SDK1: variants seen among roughly 807,000 people sequenced by gnomAD.
The protein encoded by SDK1 is sidekick cell adhesion molecule 1.
In SDK1, 157 loss-of-function variants were observed where a neutral mutation model predicts 245.5. That is an observed-to-expected ratio of 0.64 (90% CI 0.56 to 0.73). SDK1 has a LOEUF of 0.73. SDK1 is among the 30% of genes least tolerant of loss of function. The pLI is 0.00. For synonymous variants in SDK1, 1,647 were observed against 1,278.5 expected (o/e 1.29, Z -6.15); for missense variants, 3,583 against 3,002.3 (o/e 1.19, Z -4.52).
In SDK1 at chr7:4,114,239, G is replaced by T; in HGVS notation, c.3788G>T (p.Trp1263Leu). Reference sequence around the variant, plus strand: ...TTCAACGCCGTCGGGGCTGGGCCGTGGAGCGAGGTGGTGCGGGGCCGGACG... The same window carrying T: ...TTCAACGCCGTCGGGGCTGGGCCGTTGAGCGAGGTGGTGCGGGGCCGGACG... ...QAFNAVGAGP[W>L]SEVVRGRTRE... The change falls in exon 25 of 45, where the codon TGG becomes TTG. Residue 1263 changes from tryptophan to leucine, a missense_variant. By Grantham distance (61) the Trp-to-Leu change is moderately conservative. Coordinates refer to ENST00000404826, the MANE Select transcript of SDK1 (RefSeq NM_152744.4). 1 of 1,612,158 alleles carries T rather than the reference G, an allele frequency of 6.2e-7. No individual in the cohort carries two copies. The highest frequency in any genetic ancestry group is 8.5e-7 in the Non-Finnish European group (1 of 1,179,532).
At chr7:3,769,807 C>G (rs1330472481) in intron 4 of SDK1, among the ~76,000 whole-genome samples, 2 of 151,918 alleles carry the variant, frequency 1.3e-5, no homozygotes, top group East Asian at 3.9e-4. Flanking sequence ...AGGTAACGTT[C>G]TTTGTTGCGA....
intron 1 of SDK1, among the ~76,000 whole-genome samples, chr7:3,443,757 G>A (rs995237143): frequency 1.3e-5 from 2 of 152,092 alleles, no homozygotes; most frequent in African/African-American, 4.8e-5. Flanking sequence ...TTTATTTGGT[G>A]GTCAGCAGCG....
intron 1 of SDK1, among the ~76,000 whole-genome samples, chr7:3,485,683 G>GTTTTTTTTTTTTTCTTTTTT (rs1781666652): frequency 2.6e-5 from 1 of 38,178 alleles, no homozygotes; most frequent in Non-Finnish European, 4.5e-5. Context: ...TCTTTGGAGG[G>GTTTTTTTTTTTTTCTTTTTT]TTTTTTTTTT....
chr7:4,167,163 G>A (rs1248493493), intron 32 of SDK1, among the ~76,000 whole-genome samples: 3 of 152,206 alleles, frequency 2.0e-5, no homozygotes, highest in Admixed American at 6.6e-5. Flanking sequence ...GTAGGCTGAG[G>A]CGGGCAGATC....
intron 40 of SDK1, among the ~76,000 whole-genome samples, chr7:4,226,567 T>C (rs753340558): frequency 2.6e-5 from 4 of 152,196 alleles, no homozygotes; most frequent in Non-Finnish European, 2.9e-5. Flanking sequence ...AGCACCAGGC[T>C]AGAACACAGA....
intron 1 of SDK1, among the ~76,000 whole-genome samples, chr7:3,435,353 C>T (rs1412514309): frequency 9.7e-5 from 6 of 62,014 alleles, no homozygotes; most frequent in South Asian, 5.6e-4. Flanking sequence ...TTTTTTGAGA[C>T]GGAGTCTTGC....
At chr7:4,220,605 T>C (rs1291292611) in intron 39 of SDK1, among the ~76,000 whole-genome samples, 1 of 151,052 alleles carries the variant, frequency 6.6e-6, no homozygotes, top group East Asian at 2.0e-4. Flanking sequence ...TTCCAGGTCA[T>C]GGGGAAGAAG....
At chr7:3,449,280 C>T (rs1359479650) in intron 1 of SDK1, among the ~76,000 whole-genome samples, 2 of 151,584 alleles carry the variant, frequency 1.3e-5, no homozygotes, top group African/African-American at 4.8e-5. Flanking sequence ...ATCCTTTATG[C>T]CCTGCACAGA....
Position 3,951,936 on chromosome 7 carries a change from C to T in SDK1, c.1150+16C>T. ...TTCATCATAGGTAATGCGGGAGCCT[C>T]TAAGTGGTGTTGCCAGCATCTCAGA... On this transcript the variant is annotated intron_variant, in intron 7 of 44. Transcript: ENST00000404826. 6.2e-7 allele frequency: 1 copy of T among 1,605,840 alleles called. No homozygotes were observed. The highest frequency in any genetic ancestry group is 1.1e-5 in the South Asian group (1 of 89,938).
Position 3,786,524 on chromosome 7 carries a change from T to G in SDK1, c.714-34926T>G, listed in dbSNP as rs78593914. The stretch of plus-strand genomic sequence containing the variant: ...GAGAAGGTTATAGTTAATACTCTTA[T>G]AAGCCTCTCCATGTACAAGAATACA... On this transcript the variant is annotated intron_variant, in intron 4 of 44. Coordinates refer to ENST00000404826, the MANE Select transcript of SDK1 (RefSeq NM_152744.4). Among the ~76,000 whole-genome samples the G allele has an allele frequency of 3.9e-5, 6 of 152,332 alleles. No homozygotes were observed. The South Asian group carries it at 8.3e-4, about 21-fold the overall frequency.
At chr7:4,054,066 G>A (rs183672991) in intron 19 of SDK1, among the ~76,000 whole-genome samples, 1 of 152,100 alleles carries the variant, frequency 6.6e-6, no homozygotes, top group East Asian at 1.9e-4. Flanking sequence ...GGCCTCTCAA[G>A]TAGCTGGTAT....
At chr7:3,304,721 C>G (rs929690384) in intron 1 of SDK1, among the ~76,000 whole-genome samples, 5 of 152,150 alleles carry the variant, frequency 3.3e-5, no homozygotes, top group African/African-American at 9.7e-5. Context: ...CATTGGAATT[C>G]GAGAACTACT....
intron 16 of SDK1, among the ~76,000 whole-genome samples, chr7:4,014,088 G>C (rs1294917714): frequency 1.3e-5 from 2 of 152,220 alleles, no homozygotes; most frequent in Non-Finnish European, 2.9e-5. Flanking sequence ...GCTGCCCTCT[G>C]TACCCAGCAG....
intron 4 of SDK1, among the ~76,000 whole-genome samples, chr7:3,697,593 T>G (rs1247899885): frequency 2.6e-5 from 4 of 152,212 alleles, no homozygotes; most frequent in Admixed American, 2.6e-4. Flanking sequence ...CCCCACATGA[T>G]TCTTTGACCA....
intron 1 of SDK1, among the ~76,000 whole-genome samples, chr7:3,540,279 C>T (rs1026397249): frequency 3.3e-4 from 50 of 152,280 alleles, no homozygotes; most frequent in East Asian, 1.9e-4. Flanking sequence ...TGGTTGCAGT[C>T]GCCTGTAATC....
At chr7:4,206,830 C>T (rs1784252232) in intron 36 of SDK1, among the ~76,000 whole-genome samples, 3 of 152,090 alleles carry the variant, frequency 2.0e-5, no homozygotes, top group Admixed American at 6.5e-5. Context: ...GGGCTAGCCT[C>T]CCCTAATGAC....
At chr7:3,454,925 CTG>C (rs1470824579) in intron 1 of SDK1, among the ~76,000 whole-genome samples, 1 of 152,164 alleles carries the variant, frequency 6.6e-6, no homozygotes, top group Non-Finnish European at 1.5e-5. Context: ...TCCAGAGTGA[CTG>C]TACCATTTTA....
chr7:4,259,797 C>T (rs1393326619), intron 44 of SDK1, among the ~76,000 whole-genome samples: 7 of 152,126 alleles, frequency 4.6e-5, no homozygotes, highest in African/African-American at 7.2e-5. Flanking sequence ...ACACCTGTTG[C>T]GCGGATCCTA....
At chr7:4,128,191 G>T (rs1313435439) in intron 26 of SDK1, among the ~76,000 whole-genome samples, 1 of 152,136 alleles carries the variant, frequency 6.6e-6, no homozygotes. Flanking sequence ...CCCGGCCAGC[G>T]AGGCCACGCT....
Sources: allele counts gnomAD v4.1 joint callset (sites outside exome capture counted in the v4.1 genomes callset), GRCh38; gene constraint gnomAD v4.1.1; transcripts MANE v1.5; gene names NCBI Gene and HGNC (gene_info 2026-07-23, HGNC 2026-07-21).